PCDHAC1: variants seen among roughly 807,000 people sequenced by gnomAD.
The protein encoded by PCDHAC1 is protocadherin alpha-C1.
In PCDHAC1, 42 loss-of-function variants were observed where a neutral mutation model predicts 60.0. The ratio of observed to expected loss-of-function variants is 0.70; its 90% confidence interval spans 0.55 to 0.90. The LOEUF is 0.90. PCDHAC1 is among the 40% of genes least tolerant of loss of function. The pLI is 0.00. For synonymous variants in PCDHAC1, 468 were observed against 499.3 expected, an observed-to-expected ratio of 0.94 and a Z score of 0.84; for missense variants, 1,160 against 1,222.3, an observed-to-expected ratio of 0.95 and a Z score of 0.76.
chr5:140,948,492 A>C (rs915795889), intron 1 of PCDHAC1, among the ~76,000 whole-genome samples: 1 of 151,594 alleles, frequency 6.6e-6, no homozygotes, highest in Non-Finnish European at 1.5e-5. Flanking sequence ...AATTTCTTTC[A>C]TAGACTTTCT....
At chr5:140,963,204 A>G (rs2095745825) in intron 1 of PCDHAC1, among the ~76,000 whole-genome samples, 1 of 152,104 alleles carries the variant, frequency 6.6e-6, no homozygotes, top group African/African-American at 2.4e-5. Flanking sequence ...ATGAAAAAAA[A>G]AACCTCGTGT....
At chr5:140,976,753 G>A (rs2096729890) in intron 1 of PCDHAC1, among the ~76,000 whole-genome samples, 1 of 152,130 alleles carries the variant, frequency 6.6e-6, no homozygotes. Context: ...CCTCCCAGAT[G>A]CCAGAAGCCT....
intron 1 of PCDHAC1, among the ~76,000 whole-genome samples, chr5:140,973,052 G>C (rs114678656): frequency 0.013 from 2,011 of 152,210 alleles, 55 homozygotes; most frequent in African/African-American, 0.046. Flanking sequence ...TAGTAGATTT[G>C]TCCAACAGTG....
rs1472597239 is a variant in PCDHAC1, at chr5:140,928,524, TG to T, written c.1633del (p.Val545TrpfsTer2). 16 of 1,614,070 alleles carry T rather than the reference TG, an allele frequency of 9.9e-6. No individual in the cohort carries two copies. The African/African-American group carries it at 2.1e-4, about 22-fold the overall frequency. On this transcript the variant is annotated frameshift_variant, in exon 1 of 4. Transcript: ENST00000253807. LOFTEE classifies it high-confidence loss of function. Reference sequence around the variant, plus strand: ...GTGCAACAGTGACTATAAACTTGTTTGTGGTAGATAGGAATGACAATTATCC... The same window carrying T: ...GTGCAACAGTGACTATAAACTTGTTTTGGTAGATAGGAATGACAATTATCC... ...RSATVTINLFVVDRNDNYPVI... is the reference protein window; with the variant it reads ...RSATVTINLFXVDRNDNYPVI...
intron 1 of PCDHAC1, among the ~76,000 whole-genome samples, chr5:140,937,756 C>CA (rs2091723973): frequency 1.3e-5 from 2 of 151,360 alleles, no homozygotes; most frequent in African/African-American, 4.9e-5. Flanking sequence ...ACTAAAAATA[C>CA]AAAAAATTAG....
rs1269379462 is a variant in PCDHAC1, at chr5:141,005,696, C to T, written c.2582-3931C>T. 3.0e-4 allele frequency among the ~76,000 whole-genome samples: 31 copies of T among 105,030 alleles called. No individual in the cohort carries two copies. In the East Asian group the frequency reaches 8.2e-3, roughly 28 times the overall value. 68.9% of individuals were successfully genotyped at this position (105,030 alleles called of 152,430 possible). ...CAGCCTGGGCGACAGAGCGAAACTC[C>T]GTCTCAAAAAAAAAAAAAAAAAAAA... is the stretch of plus-strand genomic sequence containing the variant. On this transcript the variant is annotated intron_variant, in intron 3 of 3. Transcript: ENST00000253807.
At chr5:140,948,292 A>G (rs1174586168) in intron 1 of PCDHAC1, among the ~76,000 whole-genome samples, 1 of 151,576 alleles carries the variant, frequency 6.6e-6, no homozygotes, top group Non-Finnish European at 1.5e-5. Flanking sequence ...AATTTTGTAA[A>G]GAATATCTTT....
chr5:140,926,526 C>G lies in PCDHAC1; in HGVS notation c.-367C>G, dbSNP rs2083305621. ...CGTCTCCCAGGCTCCGCCCTGCGCC[C>G]GCAGCCAGCGTGGTGGTCGAGACCC... On this transcript the variant is annotated 5_prime_UTR_variant, in exon 1 of 4. Coordinates refer to ENST00000253807, the MANE Select transcript of PCDHAC1 (RefSeq NM_018898.5). The G allele has an allele frequency of 4.8e-6, 1 of 209,510 alleles. No individual in the cohort carries two copies. The highest frequency in any genetic ancestry group is 9.3e-6 in the Non-Finnish European group (1 of 107,012). The allele number at this position is 209,510 out of a possible 1,614,324, so 13.0% of individuals were successfully genotyped here.
rs2083959275 is a variant in PCDHAC1 at position 140,927,194 on chromosome 5, T to C, written c.302T>C (p.Leu101Pro). The C allele has an allele frequency of 1.2e-6, 2 of 1,614,122 alleles. No homozygotes were observed. The highest frequency in any genetic ancestry group is 1.7e-6 in the Non-Finnish European group (2 of 1,180,034). The change falls in exon 1 of 4, where the codon CTC (leucine) becomes CCC (proline). Residue 101 changes from leucine (L) to proline (P), a missense_variant. This residue lies in a region of PCDHAC1 where 1,113 missense variants were observed against 1,163.7 expected (regional missense o/e 0.96). Transcript: ENST00000253807. ...AACVLTYDLV[L>P]EDPLELHKIR... Reference sequence around the variant, plus strand: ...TGCGTCTTGACCTACGACCTGGTGCTCGAGGACCCGCTGGAGCTGCACAAG... The same window carrying C: ...TGCGTCTTGACCTACGACCTGGTGCCCGAGGACCCGCTGGAGCTGCACAAG...
At chr5:140,968,519 A>C (rs1030847582) in intron 1 of PCDHAC1, 1 of 1,614,008 alleles carries the variant, frequency 6.2e-7, no homozygotes, top group African/African-American at 1.3e-5. Flanking sequence ...CCCTACCTCA[A>C]CCAACTCGTC....
At chr5:140,995,682 T>A (rs566340825) in intron 3 of PCDHAC1, among the ~76,000 whole-genome samples, 28 of 152,312 alleles carry the variant, frequency 1.8e-4, no homozygotes, top group East Asian at 9.6e-4. Context: ...GCATTTTTTT[T>A]AATTGTTAAA....
At position 140,927,624 on chromosome 5, in the gene PCDHAC1, G is replaced by A. The variant is rs1554204821; in HGVS notation, c.732G>A (p.Glu244=). The A allele has an allele frequency of 1.9e-6, 3 of 1,614,212 alleles. No individual in the cohort carries two copies. The highest frequency in any genetic ancestry group is 2.5e-6 in the Non-Finnish European group (3 of 1,180,028). Residue 244 remains glutamate (E), a synonymous_variant, in exon 1 of 4, where the codon GAG becomes GAA. Coordinates refer to ENST00000253807, the MANE Select transcript of PCDHAC1 (RefSeq NM_018898.5). ...CCGTATACCGCACCAAGGTTCCAGA[G>A]ACTGCACCCAATGGGACTGTGTTAT... ...ERSVYRTKVP[E]TAPNGTVLFR... is the part of the protein sequence containing the mutation.
At chr5:140,939,411 AT>A (rs797027145) in intron 1 of PCDHAC1, among the ~76,000 whole-genome samples, 1 of 152,050 alleles carries the variant, frequency 6.6e-6, no homozygotes, top group East Asian at 1.9e-4. Context: ...GTAAATCAGC[AT>A]TTTTTTCTTC....
intron 1 of PCDHAC1, among the ~76,000 whole-genome samples, chr5:140,950,042 T>C (rs2153688283): frequency 6.6e-6 from 1 of 152,082 alleles, no homozygotes; most frequent in South Asian, 2.1e-4. Flanking sequence ...GTTACAACCA[T>C]ATAAGACTAT....
At chr5:140,952,380 G>A (rs246035) in intron 1 of PCDHAC1, among the ~76,000 whole-genome samples, 85,175 of 151,100 alleles carry the variant, frequency 0.56, 24,638 homozygotes, top group African/African-American at 0.69. Flanking sequence ...CCTCTGCCAG[G>A]TACCCTAAAC....
Position 140,929,036 on chromosome 5 carries a change from C to T in PCDHAC1, c.2144C>T (p.Ala715Val). 1 of 1,614,178 alleles carries T rather than the reference C, an allele frequency of 6.2e-7. No homozygotes were observed. Among genetic ancestry groups the T allele is most frequent in the Non-Finnish European group, 8.5e-7 (1 of 1,180,024 alleles). The change falls in exon 1 of 4, where the codon GCT becomes GTT. Residue 715 changes from alanine (A) to valine (V), a missense_variant. Coordinates refer to ENST00000253807, the MANE Select transcript of PCDHAC1 (RefSeq NM_018898.5). ...TKLHQSPGCC[A>V]QSCCRSTEDL... ...TTGCACCAGAGCCCAGGCTGTTGCG[C>T]TCAGAGCTGCTGTCGCTCTACAGAG...
intron 3 of PCDHAC1, among the ~76,000 whole-genome samples, chr5:141,000,419 A>ATTTT (rs1563652468): frequency 3.0e-4 from 18 of 60,988 alleles, no homozygotes; most frequent in East Asian, 5.4e-4. Context: ...ATATATATAT[A>ATTTT]TATTTTTTTT....
At chr5:140,968,849 G>A in intron 1 of PCDHAC1, 1 of 1,614,206 alleles carries the variant, frequency 6.2e-7, no homozygotes, top group East Asian at 2.2e-5. Context: ...TCAGAGGCAT[G>A]TTAAGAGCCC....
intron 3 of PCDHAC1, among the ~76,000 whole-genome samples, chr5:140,999,429 A>G (rs1554256798): frequency 6.6e-6 from 1 of 152,190 alleles, no homozygotes. Flanking sequence ...GAGGCCAAGT[A>G]CCTTGCCTCT....
Sources: allele counts gnomAD v4.1 joint callset (sites outside exome capture counted in the v4.1 genomes callset), GRCh38; gene constraint gnomAD v4.1.1; regional missense constraint gnomAD v4.1.1; transcripts MANE v1.5; gene names NCBI Gene and HGNC (gene_info 2026-07-23, HGNC 2026-07-21).